The following PDLIM3 variants were observed in gnomAD, a reference collection of about 807,000 sequenced individuals.
The protein encoded by PDLIM3 is PDZ and LIM domain protein 3.
A neutral mutation model predicts 37.3 loss-of-function variants in PDLIM3; 36 were observed. The ratio of observed to expected loss-of-function variants is 0.97; its 90% CI spans 0.74 to 1.28. PDLIM3 has a LOEUF of 1.28. PDLIM3 is among the 50% of genes most tolerant of loss of function. The probability of loss-of-function intolerance (pLI) is 0.00; values close to 1 mark genes in which losing one functional copy is unlikely to be tolerated. For synonymous variants in PDLIM3, 174 were observed against 182.4 expected (o/e 0.95, Z 0.37); for missense variants, 454 against 485.0 (o/e 0.94, Z 0.60).
chr4:185,529,152 A>G (rs1281943956), intron 1 of PDLIM3, among the ~76,000 whole-genome samples: 2 of 152,190 alleles, frequency 1.3e-5, no homozygotes, highest in East Asian at 1.9e-4. Flanking sequence ...TTGTGTGATT[A>G]TAAGAATCAC....
chr4:185,510,735 C>A (rs2153333870), intron 4 of PDLIM3, among the ~76,000 whole-genome samples: 1 of 152,298 alleles, frequency 6.6e-6, no homozygotes, highest in Non-Finnish European at 1.5e-5. Flanking sequence ...TATGTGTGTA[C>A]TATGTAATTT....
intron 2 of PDLIM3, among the ~76,000 whole-genome samples, chr4:185,524,478 T>G (rs2095729260): frequency 6.6e-6 from 1 of 151,922 alleles, no homozygotes; most frequent in Admixed American, 6.6e-5. Context: ...TTTTGGGGGG[T>G]GGGGTCAGAA....
intron 1 of PDLIM3, among the ~76,000 whole-genome samples, chr4:185,532,950 T>C (rs946783352): frequency 6.6e-6 from 1 of 152,178 alleles, no homozygotes; most frequent in African/African-American, 2.4e-5. Flanking sequence ...AACAACTCTT[T>C]AGAAATATTG....
chr4:185,515,013 A>T lies in PDLIM3; in HGVS notation c.331-676T>A, dbSNP rs190968624. ...TACCCACGACGAGATTGACGGAAAG[A>T]TTAGAGGAGGAGTTAGCCATAAACT... On this transcript the variant is annotated intron_variant, in intron 3 of 7. Coordinates refer to ENST00000284767, the MANE Select transcript of PDLIM3 (RefSeq NM_014476.6). 63 of 734,726 alleles carry T rather than the reference A, an allele frequency of 8.6e-5. 1 individual carries two copies. In the African/African-American group the frequency reaches 8.8e-4, roughly 10 times the overall value. 45.5% of individuals were successfully genotyped at this position (734,726 alleles called of 1,614,324 possible). A position where few individuals can be genotyped will look rare whatever the true frequency, so the allele number is the denominator to read the frequency against.
chr4:185,517,563 A>C (rs1391509563), intron 3 of PDLIM3: 1 of 151,820 alleles, frequency 6.6e-6, no homozygotes, highest in Non-Finnish European at 1.5e-5. Context: ...GTGCATTAAT[A>C]ATCTCTAGTA....
chr4:185,520,239 A>C (rs2095721401), intron 3 of PDLIM3, among the ~76,000 whole-genome samples: 1 of 151,990 alleles, frequency 6.6e-6, no homozygotes, highest in African/African-American at 2.4e-5. Flanking sequence ...GCCGTGCAGA[A>C]ATCTGGCCTA....
Position 185,508,461 on chromosome 4 carries a change from G to T in PDLIM3, c.500C>A (p.Ala167Glu), listed in dbSNP as rs371228193. The stretch of plus-strand genomic sequence containing the variant: ...AGGAATGTTAGGGGCCAGCTTAGCC[G>T]CAACTTTCAAGTCACCTGGGCAAAT... ...STICPGDLKV[A>E]AKLAPNIPLE... Residue 167 changes from alanine (A) to glutamate (E), a missense_variant, in exon 5 of 8, where the codon GCG becomes GAG. Transcript: ENST00000284767. 1.9e-6 allele frequency: 3 copies of T among 1,614,176 alleles called. No homozygotes were observed. Among genetic ancestry groups the T allele is most frequent in the Middle Eastern group, 1.6e-4 (1 of 6,062 alleles).
At chr4:185,513,893 T>A in intron 4 of PDLIM3, 1 of 1,180,206 alleles carries the variant, frequency 8.5e-7, no homozygotes, top group Non-Finnish European at 1.1e-6. Context: ...GATTCCTTCC[T>A]CCTAACCGGG....
At chr4:185,523,545 C>G in intron 2 of PDLIM3, 99 bp from the exon 3 acceptor site, 2 of 714,278 alleles carry the variant, frequency 2.8e-6, no homozygotes, top group East Asian at 2.7e-5. Context: ...TACTAGCAAA[C>G]CTCACTAACT....
chr4:185,510,395 C>T (rs375399907), intron 4 of PDLIM3, among the ~76,000 whole-genome samples: 7 of 152,082 alleles, frequency 4.6e-5, no homozygotes, highest in Admixed American at 3.9e-4. Flanking sequence ...TGTTTTATAG[C>T]GGTTATTAGT....
chr4:185,517,347 C>CA (rs1491555247), intron 3 of PDLIM3: 1 of 48,806 alleles, frequency 2.0e-5, no homozygotes, highest in Non-Finnish European at 4.1e-5. Context: ...TGGAGCTTAG[C>CA]TTTTTTTTTT....
At chr4:185,513,437 C>T (rs767080258) in intron 4 of PDLIM3, 277 of 932,928 alleles carry the variant, frequency 3.0e-4, no homozygotes, top group Non-Finnish European at 8.4e-5. Context: ...TGAAAATGGG[C>T]CGTGTCTCAC....
At chr4:185,534,601 G>T (rs1429904321) in intron 1 of PDLIM3, among the ~76,000 whole-genome samples, 1 of 152,204 alleles carries the variant, frequency 6.6e-6, no homozygotes, top group Non-Finnish European at 1.5e-5. Flanking sequence ...AGTAAAGCTT[G>T]ACTTTGACAT....
At position 185,506,446 on chromosome 4, in the gene PDLIM3, G is replaced by A. The variant is rs987828218; in HGVS notation, c.793+76C>T. The A allele has an allele frequency of 1.8e-5, 28 of 1,578,020 alleles. No homozygotes were observed. The Admixed American group carries it at 4.5e-4, about 25-fold the overall frequency. ...AGTTTTAGACTTTCATTCCCAGTAT[G>A]TTTGCTGTCGTCCCCGTCCCGCCCC... On this transcript the variant is annotated intron_variant, in intron 6 of 7. Coordinates refer to ENST00000284767, the MANE Select transcript of PDLIM3 (RefSeq NM_014476.6).
At chr4:185,524,917 A>G in intron 2 of PDLIM3, 103 bp downstream of exon 2, 2 of 1,114,228 alleles carry the variant, frequency 1.8e-6, no homozygotes, top group Non-Finnish European at 1.4e-6. Context: ...CCAAAATACT[A>G]GGTCTGTGGC....
chr4:185,515,838 A>G (rs1452614057), intron 3 of PDLIM3: 1 of 152,176 alleles, frequency 6.6e-6, no homozygotes, highest in Non-Finnish European at 1.5e-5. Flanking sequence ...AAGCAACAGA[A>G]GAAAACCAAA....
In PDLIM3 at chr4:185,531,941, A is replaced by T. The variant is rs1365057292; in HGVS notation, c.93+3401T>A. Among the ~76,000 whole-genome samples the T allele has an allele frequency of 4.8e-4, 72 of 150,426 alleles. 1 individual carries two copies. The highest frequency in any genetic ancestry group is 1.6e-3 in the African/African-American group (67 of 41,120). On this transcript the variant is annotated intron_variant, in intron 1 of 7. Transcript: ENST00000284767. Reference sequence around the variant, plus strand: ...CTATCTCTACTAAAAAAAAAAAAAAAAAAAAAATTAGCTGGGTATGGTGGC... The same window carrying T: ...CTATCTCTACTAAAAAAAAAAAAAATAAAAAAATTAGCTGGGTATGGTGGC...
Position 185,523,912 on chromosome 4 carries a change from C to G in PDLIM3, c.246-466G>C, listed in dbSNP as rs141070703. ...GGATTACAGGCGGGAGCCACCACAC[C>G]CGGCCGAAGTCGTACATTTTTAATG... On this transcript the variant is annotated intron_variant, in intron 2 of 7. Transcript: ENST00000284767. Among the ~76,000 whole-genome samples, 1,285 of 151,750 alleles carry G rather than the reference C, an allele frequency of 8.5e-3. 26 individuals carry two copies. The highest frequency in any genetic ancestry group is 0.029 in the African/African-American group (1,209 of 41,356).
chr4:185,526,266 C>T (rs1003533851), intron 1 of PDLIM3, among the ~76,000 whole-genome samples: 13 of 152,350 alleles, frequency 8.5e-5, no homozygotes, highest in Admixed American at 3.9e-4. Flanking sequence ...AGTTTGTATT[C>T]ACTCATGGTC....
Sources: allele counts gnomAD v4.1 joint callset (sites outside exome capture counted in the v4.1 genomes callset), GRCh38; gene constraint gnomAD v4.1.1; transcripts MANE v1.5; gene names NCBI Gene and HGNC (gene_info 2026-07-23, HGNC 2026-07-21).